SPINK13: variants seen among roughly 807,000 people sequenced by gnomAD.
SPINK13 encodes the protein serine peptidase inhibitor Kazal type 13.
A neutral mutation model predicts 11.0 loss-of-function variants in SPINK13; 11 were observed. The ratio of observed to expected loss-of-function variants is 1.00; its 90% CI spans 0.63 to 1.65. The LOEUF is 1.65. Among genes scored for constraint, SPINK13 ranks in the 40% most tolerant of loss-of-function variants. The pLI is 0.00. For synonymous variants in SPINK13, 31 were observed against 35.6 expected, an observed-to-expected ratio of 0.87 and a Z score of 0.46; for missense variants, 113 against 117.7, an observed-to-expected ratio of 0.96 and a Z score of 0.19.
At chr5:148,282,771 T>C (rs1395854961) in intron 4 of SPINK13, among the ~76,000 whole-genome samples, 1 of 152,204 alleles carries the variant, frequency 6.6e-6, no homozygotes, top group Admixed American at 6.5e-5. Flanking sequence ...GCCTTTCAAA[T>C]AAATTCAGTA....
chr5:148,282,349 C>T, intron 4 of SPINK13, 118 bp downstream of exon 4: 2 of 1,250,386 alleles, frequency 1.6e-6, no homozygotes, highest in Non-Finnish European at 1.1e-6. Flanking sequence ...AAAATAGCCT[C>T]ATTATTTACA....
intron 4 of SPINK13, among the ~76,000 whole-genome samples, chr5:148,283,321 C>A (rs1296345590): frequency 3.3e-5 from 5 of 152,174 alleles, no homozygotes; most frequent in African/African-American, 9.7e-5. Flanking sequence ...CCTAGGTAAA[C>A]AACAACAGGT....
chr5:148,273,529 T>A (rs1756380541), intron 2 of SPINK13, among the ~76,000 whole-genome samples: 1 of 152,200 alleles, frequency 6.6e-6, no homozygotes, highest in African/African-American at 2.4e-5. Flanking sequence ...CAGCTACTTT[T>A]GTCATAAAAA....
In SPINK13 at chr5:148,286,165, A is replaced by G. The variant is rs1182799523; in HGVS notation, c.*117A>G. 1 of 566,920 alleles carries G rather than the reference A, an allele frequency of 1.8e-6. No individual in the cohort carries two copies. Among genetic ancestry groups the G allele is most frequent in the East Asian group, 3.4e-5 (1 of 29,374 alleles). 35.1% of individuals were successfully genotyped at this position (566,920 alleles called of 1,614,324 possible). A position where few individuals can be genotyped will look rare whatever the true frequency, so the allele number is the denominator to read the frequency against. On this transcript the variant is annotated 3_prime_UTR_variant, in exon 5 of 5. Transcript: ENST00000398450. ...ATCCCTATGCTGTACTTAAATGTCG[A>G]ACAAAATGAGAGACAAAAATGAAGG...
At chr5:148,273,391 A>G (rs1561750098) in intron 2 of SPINK13, among the ~76,000 whole-genome samples, 1 of 151,866 alleles carries the variant, frequency 6.6e-6, no homozygotes, top group South Asian at 2.1e-4. Context: ...GTATAGTTTT[A>G]TTTTTTTATG....
intron 4 of SPINK13, among the ~76,000 whole-genome samples, chr5:148,283,351 G>A (rs1305730596): frequency 2.0e-5 from 3 of 152,122 alleles, no homozygotes; most frequent in African/African-American, 7.2e-5. Context: ...AAATTTCATG[G>A]CTAGCATAAA....
intron 3 of SPINK13, among the ~76,000 whole-genome samples, chr5:148,277,486 A>G (rs1451320250): frequency 1.3e-5 from 2 of 152,216 alleles, no homozygotes; most frequent in Non-Finnish European, 2.9e-5. Flanking sequence ...TTTAGCATGA[A>G]GGGGTGTTGA....
chr5:148,269,198 C>A (rs527488250), intron 1 of SPINK13, among the ~76,000 whole-genome samples: 208 of 152,242 alleles, frequency 1.4e-3, no homozygotes, highest in Admixed American at 5.4e-3. Flanking sequence ...TTGGGCTAAA[C>A]AAATTGTCAA....
intron 3 of SPINK13, 83 bp downstream of exon 3, chr5:148,274,467 G>A (rs919682292): frequency 8.9e-7 from 1 of 1,125,026 alleles, no homozygotes; most frequent in South Asian, 1.4e-5. Context: ...TTCATGGAAA[G>A]TCAGGCACAG....
At chr5:148,280,509 T>A (rs1756496675) in intron 3 of SPINK13, among the ~76,000 whole-genome samples, 1 of 152,194 alleles carries the variant, frequency 6.6e-6, no homozygotes, top group Non-Finnish European at 1.5e-5. Context: ...ACTATTGCTT[T>A]CGTTTGTTAG....
chr5:148,271,736 TGCCTCA>T (rs1231004167), intron 2 of SPINK13, among the ~76,000 whole-genome samples: 1 of 152,202 alleles, frequency 6.6e-6, no homozygotes, highest in East Asian at 1.9e-4. Flanking sequence ...GCCGTTCTCC[TGCCTCA>T]GCCTCCCGAG....
intron 2 of SPINK13, among the ~76,000 whole-genome samples, chr5:148,271,453 C>T (rs1209712210): frequency 6.6e-6 from 1 of 152,116 alleles, no homozygotes; most frequent in Non-Finnish European, 1.5e-5. Flanking sequence ...CACAATTCTA[C>T]ATCTTTTTTT....
At chr5:148,285,083 T>C (rs1756570767) in intron 4 of SPINK13, among the ~76,000 whole-genome samples, 1 of 152,164 alleles carries the variant, frequency 6.6e-6, no homozygotes, top group Non-Finnish European at 1.5e-5. Flanking sequence ...CAAACTTGCT[T>C]AGTGATACTA....
At chr5:148,282,692 A>G (rs1756536641) in intron 4 of SPINK13, among the ~76,000 whole-genome samples, 2 of 152,380 alleles carry the variant, frequency 1.3e-5, no homozygotes, top group African/African-American at 4.8e-5. Flanking sequence ...AGGTATAGAT[A>G]CACACACGAG....
At chr5:148,285,214 C>A (rs1259965170) in intron 4 of SPINK13, among the ~76,000 whole-genome samples, 4 of 152,090 alleles carry the variant, frequency 2.6e-5, no homozygotes, top group Non-Finnish European at 5.9e-5. Context: ...ATGGAAGTGG[C>A]TCACATCACT....
intron 4 of SPINK13, among the ~76,000 whole-genome samples, chr5:148,284,671 AG>A (rs1756565397): frequency 6.6e-6 from 1 of 152,222 alleles, no homozygotes; most frequent in Admixed American, 6.5e-5. Flanking sequence ...TAGGAGGAGA[AG>A]GGTAATTCCT....
chr5:148,275,142 C>T (rs1171795157), intron 3 of SPINK13, among the ~76,000 whole-genome samples: 2 of 152,086 alleles, frequency 1.3e-5, no homozygotes, highest in African/African-American at 2.4e-5. Flanking sequence ...CTTGTCCCCG[C>T]TCCCCCAACA....
intron 2 of SPINK13, among the ~76,000 whole-genome samples, chr5:148,271,629 A>T (rs1348478647): frequency 6.6e-6 from 1 of 151,996 alleles, no homozygotes; most frequent in Non-Finnish European, 1.5e-5. Flanking sequence ...ATAACTTGTC[A>T]TAAAGGACTT....
At chr5:148,279,363 C>T (rs1756479596) in intron 3 of SPINK13, among the ~76,000 whole-genome samples, 1 of 152,046 alleles carries the variant, frequency 6.6e-6, no homozygotes, top group South Asian at 2.1e-4. Flanking sequence ...GATGCAGTTT[C>T]TTCATAGTGT....
Sources: allele counts gnomAD v4.1 joint callset (sites outside exome capture counted in the v4.1 genomes callset), GRCh38; gene constraint gnomAD v4.1.1; transcripts MANE v1.5; gene names NCBI Gene and HGNC (gene_info 2026-07-23, HGNC 2026-07-21).